The following SLC15A1 variants were observed in gnomAD, a reference collection of about 807,000 sequenced individuals.
SLC15A1 encodes solute carrier family 15 member 1, also known as Caco-2 oligopeptide transporter.
Under a neutral mutation model 92.9 loss-of-function variants are expected in SLC15A1, and 83 were observed. The observed-to-expected ratio is 0.89, with a 90% CI of 0.75 to 1.07. The LOEUF is 1.07. SLC15A1 is among the 50% of genes least tolerant of loss of function. The pLI is 0.00. For synonymous variants in SLC15A1, 322 were observed against 318.2 expected (o/e 1.01, Z -0.13); for missense variants, 857 against 880.1 (o/e 0.97, Z 0.33).
At chr13:98,750,924 A>G (rs1392405001) in intron 1 of SLC15A1, among the ~76,000 whole-genome samples, 1 of 151,626 alleles carries the variant, frequency 6.6e-6, no homozygotes, top group African/African-American at 2.4e-5. Flanking sequence ...GCTAGTTTTT[A>G]TATATTTTTA....
intron 19 of SLC15A1, 29 bp downstream of exon 19, chr13:98,688,441 T>C (rs1322111702): frequency 6.2e-7 from 1 of 1,607,942 alleles, no homozygotes; most frequent in East Asian, 2.2e-5. Context: ...CTTGAACCTT[T>C]GAGTGAAGCA....
intron 7 of SLC15A1, 107 bp from the exon 8 acceptor site, chr13:98,719,427 G>C: frequency 2.7e-6 from 2 of 727,832 alleles, no homozygotes; most frequent in Non-Finnish European, 4.6e-6. Flanking sequence ...TTCACATACT[G>C]TTCTAGACAT....
At chr13:98,729,136 T>C (rs1309202475) in intron 1 of SLC15A1, among the ~76,000 whole-genome samples, 1 of 151,740 alleles carries the variant, frequency 6.6e-6, no homozygotes, top group East Asian at 1.9e-4. Context: ...CTGTAAAATA[T>C]TGTATTAATA....
At position 98,684,739 on chromosome 13, in the gene SLC15A1, T is replaced by A. The variant is rs772923674; in HGVS notation, c.2112A>T (p.Ser704=). Residue 704 remains serine, a synonymous_variant, in exon 23 of 23, where the codon TCA becomes TCT. Transcript: ENST00000376503. ...CTCCTGACCTTCACATCTGTTTCTG[T>A]GAATTGGCCCCTGACATGAAATATG... ...SNPYFMSGAN[S]QKQM is the part of the protein sequence containing the mutation. 1.2e-6 allele frequency: 2 copies of A among 1,614,092 alleles called. No individual in the cohort carries two copies. Among genetic ancestry groups the A allele is most frequent in the South Asian group, 2.2e-5 (2 of 91,080 alleles).
chr13:98,698,969 T>C (rs7994445), intron 18 of SLC15A1, among the ~76,000 whole-genome samples: 1 of 151,928 alleles, frequency 6.6e-6, no homozygotes, highest in African/African-American at 2.4e-5. Context: ...TCTTATTAAA[T>C]ATTTATTTAT....
chr13:98,705,947 A>G (rs1239385284), intron 16 of SLC15A1, among the ~76,000 whole-genome samples, 187 bp downstream of exon 16: 2 of 152,150 alleles, frequency 1.3e-5, no homozygotes, highest in Non-Finnish European at 2.9e-5. Flanking sequence ...GGCAATCTGC[A>G]TACACAACAA....
Position 98,721,420 on chromosome 13 carries a change from G to A in SLC15A1, c.556+75C>T, listed in dbSNP as rs765124945. 24 of 1,027,974 alleles carry A rather than the reference G, an allele frequency of 2.3e-5. 1 individual carries two copies. In the South Asian group the frequency reaches 3.2e-4, roughly 14 times the overall value. 63.7% of individuals were successfully genotyped at this position (1,027,974 alleles called of 1,614,324 possible). On this transcript the variant is annotated intron_variant, in intron 7 of 22. Coordinates refer to ENST00000376503, the MANE Select transcript of SLC15A1 (RefSeq NM_005073.4). ...GAAAACAGGGCAGAAGGGAAGAACA[G>A]AACAAAACGAAGAAGACACGGACTT...
At chr13:98,715,808 T>G in intron 9 of SLC15A1, 70 bp downstream of exon 9, 1 of 1,271,150 alleles carries the variant, frequency 7.9e-7, no homozygotes, top group Non-Finnish European at 1.1e-6. Context: ...AGCTTAAATT[T>G]TAATTTAAAG....
chr13:98,751,273 A>C (rs374768865), intron 1 of SLC15A1, among the ~76,000 whole-genome samples: 1 of 152,228 alleles, frequency 6.6e-6, no homozygotes, highest in African/African-American at 2.4e-5. Flanking sequence ...GAACGCATCA[A>C]TTCATTTGGA....
chr13:98,718,461 A>C (rs185406688), intron 8 of SLC15A1, among the ~76,000 whole-genome samples: 18 of 151,846 alleles, frequency 1.2e-4, no homozygotes, highest in Non-Finnish European at 1.9e-4. Context: ...CTGGGACTAC[A>C]GGTATAAGCC....
intron 1 of SLC15A1, among the ~76,000 whole-genome samples, chr13:98,742,021 C>T (rs2139610082): frequency 6.6e-6 from 1 of 152,332 alleles, no homozygotes; most frequent in South Asian, 2.1e-4. Context: ...GGACAGCAGC[C>T]TAGCCCTGCG....
chr13:98,686,350 G>C, intron 21 of SLC15A1, 53 bp from the exon 22 acceptor site: 2 of 1,273,190 alleles, frequency 1.6e-6, no homozygotes, highest in Non-Finnish European at 2.3e-6. Context: ...CTCCGAGCAG[G>C]AGAACACAGC....
intron 22 of SLC15A1, among the ~76,000 whole-genome samples, chr13:98,685,376 A>G (rs929571646): frequency 6.6e-6 from 1 of 152,234 alleles, no homozygotes; most frequent in Non-Finnish European, 1.5e-5. Flanking sequence ...GACCTGGTGC[A>G]GGAAGTCATG....
chr13:98,709,492 G>C, intron 14 of SLC15A1, 80 bp downstream of exon 14: 1 of 1,124,594 alleles, frequency 8.9e-7, no homozygotes, highest in Non-Finnish European at 1.3e-6. Context: ...TTGCGGGAAG[G>C]GCTGCAGGCT....
At chr13:98,695,482 C>T (rs1281423471) in intron 18 of SLC15A1, among the ~76,000 whole-genome samples, 1 of 152,010 alleles carries the variant, frequency 6.6e-6, no homozygotes, top group African/African-American at 2.4e-5. Context: ...AACCTCCGTG[C>T]CCCAGGTTCA....
At chr13:98,716,083 G>T in intron 8 of SLC15A1, 123 bp from the exon 9 acceptor site, 1 of 795,050 alleles carries the variant, frequency 1.3e-6, no homozygotes, top group Non-Finnish European at 2.1e-6. Flanking sequence ...TTATGGAATG[G>T]GTTTACCTTC....
intron 1 of SLC15A1, among the ~76,000 whole-genome samples, chr13:98,742,857 C>T (rs989431844): frequency 6.6e-6 from 1 of 152,218 alleles, no homozygotes; most frequent in Non-Finnish European, 1.5e-5. Context: ...CTCACTGCAG[C>T]CTTGAACTCC....
chr13:98,730,532 T>C (rs773545174), intron 1 of SLC15A1, among the ~76,000 whole-genome samples: 2 of 152,166 alleles, frequency 1.3e-5, no homozygotes, highest in Non-Finnish European at 2.9e-5. Context: ...CCGAGTTTCA[T>C]GCTGGGACCT....
chr13:98,691,321 G>A (rs892899534), intron 18 of SLC15A1, among the ~76,000 whole-genome samples: 6 of 152,230 alleles, frequency 3.9e-5, no homozygotes, highest in African/African-American at 1.4e-4. Context: ...TTACAGGCGT[G>A]AGCCATCACA....
Sources: gnomAD v4.1 joint callset for allele counts (sites outside exome capture counted in the v4.1 genomes callset) on GRCh38, gnomAD v4.1.1 for gene constraint, MANE v1.5 for transcripts, NCBI Gene and HGNC (gene_info 2026-07-23, HGNC 2026-07-21) for gene names.